The following DCAF13 variants were observed in gnomAD, a reference collection of about 807,000 sequenced individuals.
DCAF13 encodes the protein DDB1 and CUL4 associated factor 13.
DCAF13 carries 38 observed loss-of-function variants against 59.0 expected under a neutral mutation model. The ratio of observed to expected loss-of-function variants is 0.64; its 90% CI spans 0.50 to 0.84. The LOEUF is 0.84. Among genes scored for constraint, DCAF13 ranks in the 40% least tolerant of loss-of-function variants. The pLI, the probability that DCAF13 is intolerant of heterozygous loss-of-function variation, is 0.00. For missense variants in DCAF13, 469 were observed against 558.4 expected, an observed-to-expected ratio of 0.84 and a Z score of 1.61; for synonymous variants, 173 against 175.0, an observed-to-expected ratio of 0.99 and a Z score of 0.09.
rs1816790318 is a variant in DCAF13 at position 103,426,137 on chromosome 8, T to C, written c.460T>C (p.Leu154=). The change falls in exon 4 of 11, where the codon TTA becomes CTA. Residue 154 remains leucine (L), a synonymous_variant. Coordinates refer to ENST00000612750, the MANE Select transcript of DCAF13 (RefSeq NM_015420.7). The part of the protein sequence containing the change: ...GDEEEPLHTI[L]GKTVYTGIDH... ...CGAGGAAGAGCCATTACATACAATATTAGGAAAGGTACAAAAGTAAATTGA... is the reference window on the plus strand; with the variant it reads ...CGAGGAAGAGCCATTACATACAATACTAGGAAAGGTACAAAAGTAAATTGA... 6.2e-7 allele frequency: 1 copy of C among 1,604,720 alleles called. No homozygotes were observed. The highest frequency in any genetic ancestry group is 1.1e-5 in the South Asian group (1 of 90,496).
intron 3 of DCAF13, chr8:103,421,294 T>G: frequency 1.5e-6 from 1 of 656,016 alleles, no homozygotes. Flanking sequence ...ATATTCAATT[T>G]ACCACAAAAG....
In DCAF13 at chr8:103,432,604, G is replaced by T. The variant is rs777857340; in HGVS notation, c.703-55G>T. On this transcript the variant is annotated intron_variant, in intron 6 of 10. Transcript: ENST00000612750. ...GTTTATGAAATATTTGCTTAAATCA[G>T]TGGGGAAAAGAAAAGGAAAGGAAGT... 5 of 1,131,672 alleles carry T rather than the reference G, an allele frequency of 4.4e-6. No individual in the cohort carries two copies. The African/African-American group carries it at 6.2e-5, about 14-fold the overall frequency. 70.1% of individuals were successfully genotyped at this position (1,131,672 alleles called of 1,614,324 possible). A position where few individuals can be genotyped will look rare whatever the true frequency, so the allele number is the denominator to read the frequency against.
rs1817027494 is a variant in DCAF13 at position 103,442,778 on chromosome 8, G to A, written c.1251-17G>A. ...AGTTCCCATAACTTGCTTATATTTTGTATATTTTATTTCTAGGGAAGTGAA... is the reference window on the plus strand; with the variant it reads ...AGTTCCCATAACTTGCTTATATTTTATATATTTTATTTCTAGGGAAGTGAA... On this transcript the variant is annotated splice_polypyrimidine_tract_variant and intron_variant, in intron 10 of 10. Transcript: ENST00000612750. 1 of 1,533,204 alleles carries A rather than the reference G, an allele frequency of 6.5e-7. No individual in the cohort carries two copies. The highest frequency in any genetic ancestry group is 8.8e-7 in the Non-Finnish European group (1 of 1,137,820). The allele number at this position is 1,533,204 out of a possible 1,614,324, so 95.0% of individuals were successfully genotyped here. A position where few individuals can be genotyped will look rare whatever the true frequency, so the allele number is the denominator to read the frequency against.
rs767286775 is a variant in DCAF13, at chr8:103,420,961, A to G, written c.271-14A>G. The G allele has an allele frequency of 6.7e-6, 10 of 1,499,458 alleles. No homozygotes were observed. Among genetic ancestry groups the G allele is most frequent in the Admixed American group, 1.7e-5 (1 of 59,742 alleles). The allele number at this position is 1,499,458 out of a possible 1,614,324, so 92.9% of individuals were successfully genotyped here. A position where few individuals can be genotyped will look rare whatever the true frequency, so the allele number is the denominator to read the frequency against. ...TTATAGTTCACTGAAATTTCCTGGT[A>G]TGCCTTATCATAGGTTAGAATTTGG... On this transcript the variant is annotated splice_polypyrimidine_tract_variant and intron_variant, in intron 2 of 10. Transcript: ENST00000612750.
chr8:103,418,437 G>C (rs1816658899), intron 1 of DCAF13, among the ~76,000 whole-genome samples: 1 of 152,020 alleles, frequency 6.6e-6, no homozygotes, highest in South Asian at 2.1e-4. Context: ...AGAGGCTAAG[G>C]TGGGAGGATC....
intron 8 of DCAF13, 139 bp downstream of exon 8, chr8:103,435,929 C>T (rs1034161485): frequency 3.0e-5 from 24 of 808,758 alleles, no homozygotes; most frequent in East Asian, 7.8e-5. Flanking sequence ...GATGGTATAA[C>T]GTGTTGCACA....
chr8:103,419,273 A>G (rs1024876328), intron 1 of DCAF13, among the ~76,000 whole-genome samples: 13 of 152,150 alleles, frequency 8.5e-5, no homozygotes, highest in African/African-American at 3.1e-4. Flanking sequence ...CCTTGGTTTG[A>G]ATCCTGGCTC....
In DCAF13 at chr8:103,441,534, G is replaced by T; in HGVS notation, c.1166G>T (p.Arg389Leu). 1 of 1,608,862 alleles carries T rather than the reference G, an allele frequency of 6.2e-7. No individual in the cohort carries two copies. Among genetic ancestry groups the T allele is most frequent in the Non-Finnish European group, 8.5e-7 (1 of 1,178,738 alleles). ...EKFQHYPHIK[R>L]IARHRHLPKS... ...TTTCAGCATTATCCTCATATAAAAC[G>T]TATAGCTCGTCATCGACATCTACCA... Residue 389 changes from arginine to leucine, a missense_variant, in exon 10 of 11, where the codon CGT becomes CTT. Arg to Leu is a moderately radical substitution (Grantham distance 102). Coordinates refer to ENST00000612750, the MANE Select transcript of DCAF13 (RefSeq NM_015420.7).
intron 7 of DCAF13, among the ~76,000 whole-genome samples, chr8:103,433,271 CAT>C (rs1284277663): frequency 6.6e-6 from 1 of 152,038 alleles, no homozygotes; most frequent in Non-Finnish European, 1.5e-5. Context: ...AGCTGATGCT[CAT>C]GTGGTCATGT....
At chr8:103,426,613 G>A (rs1816795706) in intron 4 of DCAF13, among the ~76,000 whole-genome samples, 1 of 152,062 alleles carries the variant, frequency 6.6e-6, no homozygotes, top group Non-Finnish European at 1.5e-5. Context: ...TCAGGTGATG[G>A]GTGGTTTAGT....
intron 3 of DCAF13, among the ~76,000 whole-genome samples, chr8:103,422,812 G>T (rs891780334): frequency 6.6e-6 from 1 of 152,164 alleles, no homozygotes; most frequent in Non-Finnish European, 1.5e-5. Flanking sequence ...AATGTAGGTT[G>T]CAATCCAGGT....
chr8:103,433,776 G>A (rs1286237234), intron 7 of DCAF13, among the ~76,000 whole-genome samples: 2 of 151,798 alleles, frequency 1.3e-5, no homozygotes, highest in Non-Finnish European at 2.9e-5. Context: ...AATAAAAGAA[G>A]CTCAGTTAGA....
intron 1 of DCAF13, 141 bp from the exon 2 acceptor site, chr8:103,420,123 G>T (rs1479295923): frequency 1.3e-6 from 1 of 748,260 alleles, no homozygotes; most frequent in Admixed American, 3.0e-5. Flanking sequence ...TGAACAACAG[G>T]TCTTCTACTT....
At chr8:103,442,703 C>T (rs1480759390) in intron 10 of DCAF13, 92 bp from the exon 11 acceptor site, 30 of 787,744 alleles carry the variant, frequency 3.8e-5, no homozygotes, top group Non-Finnish European at 1.9e-5. Context: ...AGGTGTTTTT[C>T]TAGTGAAAGA....
At chr8:103,417,733 T>C (rs1178349126) in intron 1 of DCAF13, among the ~76,000 whole-genome samples, 1 of 152,068 alleles carries the variant, frequency 6.6e-6, no homozygotes, top group Non-Finnish European at 1.5e-5. Context: ...AACTCTGTTA[T>C]TAATGGGGCA....
At chr8:103,421,342 T>A (rs1405310787) in intron 3 of DCAF13, 1 of 555,868 alleles carries the variant, frequency 1.8e-6, no homozygotes, top group African/African-American at 1.9e-5. Flanking sequence ...AGAGTTTGGC[T>A]TACTCTGGAG....
rs981476764 is a variant in DCAF13, at chr8:103,420,352, A to G, written c.159A>G (p.Val53=). The change falls in exon 2 of 11, where the codon GTA becomes GTG. Residue 53 remains valine, a synonymous_variant. Coordinates refer to ENST00000612750, the MANE Select transcript of DCAF13 (RefSeq NM_015420.7). ...TAAATGCTACCAAACTGGAACGAGTATTTGCAAAACCATTCCTTGCTTCGC... is the reference window on the plus strand; with the variant it reads ...TAAATGCTACCAAACTGGAACGAGTGTTTGCAAAACCATTCCTTGCTTCGC... ...RALNATKLER[V]FAKPFLASLD... is the part of the protein sequence containing the mutation. The G allele has an allele frequency of 6.2e-7, 1 of 1,614,092 alleles. No individual in the cohort carries two copies. The highest frequency in any genetic ancestry group is 1.3e-5 in the African/African-American group (1 of 74,944).
chr8:103,432,781 T>G (rs1370005), intron 7 of DCAF13, 40 bp downstream of exon 7: 286,303 of 1,234,872 alleles, frequency 0.23, 33,924 homozygotes, highest in East Asian at 0.36. Context: ...ATTTCTATCA[T>G]GAATGGCTTA....
At chr8:103,441,372 G>C in intron 9 of DCAF13, 83 bp from the exon 10 acceptor site, 1 of 1,324,766 alleles carries the variant, frequency 7.5e-7, no homozygotes. Context: ...ATTAGGTTAG[G>C]GGGAAAAGGG....
Sources: allele counts gnomAD v4.1 joint callset (sites outside exome capture counted in the v4.1 genomes callset), GRCh38; gene constraint gnomAD v4.1.1; transcripts MANE v1.5; gene names NCBI Gene and HGNC (gene_info 2026-07-23, HGNC 2026-07-21).